Variants in CDK19 observed in about 807,000 individuals in gnomAD.
CDK19 encodes cyclin dependent kinase 19.
A neutral mutation model predicts 68.3 loss-of-function variants in CDK19; 20 were observed. That is an observed-to-expected ratio of 0.29 (90% CI 0.21 to 0.43). The LOEUF (loss-of-function observed/expected upper bound fraction) is 0.43. Ranked by LOEUF, CDK19 falls within the 20% of genes least tolerant of loss-of-function variation. The probability of loss-of-function intolerance (pLI) is 1.00; values close to 1 mark genes in which losing one functional copy is unlikely to be tolerated. For synonymous variants in CDK19, 221 were observed against 222.8 expected (o/e 0.99, Z 0.07); for missense variants, 339 against 623.5 (o/e 0.54, Z 4.86).
intron 2 of CDK19, among the ~76,000 whole-genome samples, chr6:110,671,240 G>C (rs1342229822): frequency 6.6e-6 from 1 of 152,134 alleles, no homozygotes; most frequent in East Asian, 1.9e-4. Flanking sequence ...GACCAGAGCA[G>C]CAAGCAGAAA....
At chr6:110,653,567 G>A (rs1408153697) in intron 4 of CDK19, among the ~76,000 whole-genome samples, 4 of 152,116 alleles carry the variant, frequency 2.6e-5, no homozygotes, top group Admixed American at 6.5e-5. Context: ...GCACACTTTG[G>A]TTACCATAGA....
intron 1 of CDK19, among the ~76,000 whole-genome samples, chr6:110,812,004 C>T (rs1020474385): frequency 2.0e-5 from 3 of 151,626 alleles, no homozygotes; most frequent in Non-Finnish European, 4.4e-5. Context: ...TCAAGACTAG[C>T]TCTGGCAACA....
Position 110,759,230 on chromosome 6 carries a change from C to T in CDK19, c.129-13029G>A, listed in dbSNP as rs370969773. 2.1e-4 allele frequency among the ~76,000 whole-genome samples: 32 copies of T among 149,516 alleles called. 1 individual carries two copies. In the East Asian group the frequency reaches 2.5e-3, roughly 12 times the overall value. On this transcript the variant is annotated intron_variant, in intron 1 of 12. Transcript: ENST00000368911. Reference sequence around the variant, plus strand: ...TCTGGCTAACACGGTGAAACCCCATCTCTACTAAAAATACAAAAAAAAAAA... The same window carrying T: ...TCTGGCTAACACGGTGAAACCCCATTTCTACTAAAAATACAAAAAAAAAAA...
chr6:110,803,429 T>C (rs1285225085), intron 1 of CDK19, among the ~76,000 whole-genome samples: 1 of 152,178 alleles, frequency 6.6e-6, no homozygotes, highest in Admixed American at 6.5e-5. Flanking sequence ...TTTTTTACCA[T>C]GTGTAACCAT....
chr6:110,797,772 G>T (rs944957215), intron 1 of CDK19, among the ~76,000 whole-genome samples: 1 of 152,150 alleles, frequency 6.6e-6, no homozygotes, highest in Non-Finnish European at 1.5e-5. Flanking sequence ...ATCACCTGAG[G>T]TCAGAAGTTC....
chr6:110,655,740 C>T (rs1781272251), intron 4 of CDK19, among the ~76,000 whole-genome samples: 1 of 152,108 alleles, frequency 6.6e-6, no homozygotes, highest in Non-Finnish European at 1.5e-5. Context: ...CTTATTTCTC[C>T]ACCAGCTGAC....
At chr6:110,774,471 A>G (rs1207023319) in intron 1 of CDK19, among the ~76,000 whole-genome samples, 2 of 152,296 alleles carry the variant, frequency 1.3e-5, no homozygotes, top group East Asian at 3.9e-4. Context: ...CATGTCCCCA[A>G]AGGGACAGAG....
At chr6:110,754,242 A>G (rs1325844019) in intron 1 of CDK19, among the ~76,000 whole-genome samples, 3 of 151,912 alleles carry the variant, frequency 2.0e-5, no homozygotes, top group Non-Finnish European at 4.4e-5. Context: ...TATGTTACCC[A>G]GGTTGATCTC....
chr6:110,684,037 A>G (rs1772241397), intron 2 of CDK19, among the ~76,000 whole-genome samples: 1 of 152,062 alleles, frequency 6.6e-6, no homozygotes, highest in South Asian at 2.1e-4. Context: ...ATCCCATGAG[A>G]AAATTGGATA....
intron 2 of CDK19, among the ~76,000 whole-genome samples, chr6:110,723,300 C>G (rs940599901): frequency 6.6e-6 from 1 of 152,088 alleles, no homozygotes; most frequent in South Asian, 2.1e-4. Flanking sequence ...ACTATTTTGG[C>G]CCCCAGGAGT....
At chr6:110,677,520 C>T (rs1771631585) in intron 2 of CDK19, among the ~76,000 whole-genome samples, 1 of 149,466 alleles carries the variant, frequency 6.7e-6, no homozygotes, top group African/African-American at 2.5e-5. Flanking sequence ...GAGCCGAGAT[C>T]GCGCCACTGC....
rs922708415 is a variant in CDK19 at position 110,750,315 on chromosome 6, G to T, written c.129-4114C>A. 1.1e-4 allele frequency among the ~76,000 whole-genome samples: 12 copies of T among 109,288 alleles called. 1 individual carries two copies. Among genetic ancestry groups the T allele is most frequent in the Admixed American group, 1.6e-4 (2 of 12,450 alleles). The allele number at this position is 109,288 out of a possible 152,430, so 71.7% of individuals were successfully genotyped here. ...GATCTAAGACAATCCTGTATAATCTGTTCACTTCAGTGATGAAGAAACTAG... is the reference window on the plus strand; with the variant it reads ...GATCTAAGACAATCCTGTATAATCTTTTCACTTCAGTGATGAAGAAACTAG... On this transcript the variant is annotated intron_variant, in intron 1 of 12. Coordinates refer to ENST00000368911, the MANE Select transcript of CDK19 (RefSeq NM_015076.5).
intron 2 of CDK19, among the ~76,000 whole-genome samples, chr6:110,675,730 G>A (rs992997304): frequency 1.3e-5 from 2 of 151,724 alleles, no homozygotes; most frequent in Non-Finnish European, 2.9e-5. Context: ...TTGACAGCAT[G>A]GCTTACCGAA....
intron 4 of CDK19, among the ~76,000 whole-genome samples, chr6:110,661,004 CT>C (rs1781586370): frequency 6.6e-6 from 1 of 152,212 alleles, no homozygotes; most frequent in Non-Finnish European, 1.5e-5. Flanking sequence ...AGTTTCCAAT[CT>C]TTCCCACCTC....
rs573150040 is a variant in CDK19 at position 110,611,240 on chromosome 6, T to A, written c.*3295A>T. ...CTCCCCAGAAAGCTAACTCTGAAAC[T>A]GGTTTGTAACACGAAGAGCAGAAAG... On this transcript the variant is annotated 3_prime_UTR_variant, in exon 13 of 13. Transcript: ENST00000368911. The A allele has an allele frequency of 6.6e-6, 1 of 152,426 alleles. No individual in the cohort carries two copies. The highest frequency in any genetic ancestry group is 1.5e-5 in the Non-Finnish European group (1 of 68,082). The allele number at this position is 152,426 out of a possible 1,614,324, so 9.4% of individuals were successfully genotyped here.
At chr6:110,763,616 T>C (rs1428327888) in intron 1 of CDK19, among the ~76,000 whole-genome samples, 1 of 151,456 alleles carries the variant, frequency 6.6e-6, no homozygotes, top group Non-Finnish European at 1.5e-5. Flanking sequence ...GGTTTCTCCA[T>C]GTTGGTCAGG....
intron 2 of CDK19, among the ~76,000 whole-genome samples, chr6:110,736,703 C>T (rs940949291): frequency 1.3e-5 from 2 of 152,034 alleles, no homozygotes; most frequent in Admixed American, 6.6e-5. Context: ...ATTTTCTTTG[C>T]TTAGAGTTTA....
At chr6:110,776,518 A>C (rs931776673) in intron 1 of CDK19, among the ~76,000 whole-genome samples, 1 of 152,186 alleles carries the variant, frequency 6.6e-6, no homozygotes, top group African/African-American at 2.4e-5. Flanking sequence ...GAAGCAATCA[A>C]AAGTTTGAGC....
At chr6:110,756,304 T>C (rs4947086) in intron 1 of CDK19, among the ~76,000 whole-genome samples, 122,878 of 151,666 alleles carry the variant, frequency 0.81, 49,855 homozygotes, top group Admixed American at 0.83. Context: ...GCAGGAGAAT[T>C]ACTTGAACTC....
Sources: allele counts gnomAD v4.1 joint callset (sites outside exome capture counted in the v4.1 genomes callset), GRCh38; gene constraint gnomAD v4.1.1; transcripts MANE v1.5; gene names NCBI Gene and HGNC (gene_info 2026-07-23, HGNC 2026-07-21).